Variants in ZNF565 observed in about 807,000 individuals in gnomAD.
ZNF565 encodes zinc finger protein 565.
A neutral mutation model predicts 39.4 loss-of-function variants in ZNF565; 27 were observed. That is an observed-to-expected ratio of 0.69 (90% CI 0.51 to 0.95). The LOEUF (loss-of-function observed/expected upper bound fraction) is 0.95. Among genes scored for constraint, ZNF565 ranks in the 40% least tolerant of loss-of-function variants. ZNF565 has a pLI of 0.00. For missense variants in ZNF565, 524 were observed against 621.1 expected, an observed-to-expected ratio of 0.84 and a Z score of 1.66; for synonymous variants, 185 against 216.6, an observed-to-expected ratio of 0.85 and a Z score of 1.28.
rs547454595 is a variant in ZNF565, at chr19:36,231,213, GTTC to G, written c.55+14260_55+14262del. 3.3e-3 allele frequency among the ~76,000 whole-genome samples: 509 copies of G among 152,086 alleles called. 3 individuals are homozygous for G. The highest frequency in any genetic ancestry group is 0.01 in the African/African-American group (426 of 41,506). ...CCCTGTCTCTACTAAAAATACAAAA[GTTC>G]TTCTTTTTTTTGAGACATAGTTTCA... On this transcript the variant is annotated intron_variant, in intron 1 of 4. Transcript: ENST00000355114.
chr19:36,182,541 G>C lies in ZNF565; in HGVS notation c.1425C>G (p.Tyr475Ter). Residue 475 changes from tyrosine (Y) to a stop codon, truncating the protein, a stop_gained, in exon 5 of 5, where the codon TAC (tyrosine) becomes TAG (stop). Coordinates refer to ENST00000304116, the MANE Select transcript of ZNF565 (RefSeq NM_152477.5). LOFTEE classifies it high-confidence loss of function. ...ATGCCTGCCCACACTCTCTACATTC[G>C]TAAGGTTTGATACCAGGATGAATTC... ...HQRIHPGIKPYECRECGQAFI... is the reference protein window; with the variant it reads ...HQRIHPGIKP 1 of 1,612,270 alleles carries C rather than the reference G, an allele frequency of 6.2e-7. No individual in the cohort carries two copies. The highest frequency in any genetic ancestry group is 1.3e-5 in the African/African-American group (1 of 75,012).
chr19:36,183,853 G>A, intron 4 of ZNF565, 120 bp from the exon 5 acceptor site: 3 of 825,800 alleles, frequency 3.6e-6, no homozygotes, highest in South Asian at 3.6e-5. Flanking sequence ...TTGGGAGGCT[G>A]AGGCGGGTGG....
chr19:36,232,671 C>T lies in ZNF565; in HGVS notation c.55+12805G>A, dbSNP rs547973175. Among the ~76,000 whole-genome samples, 62 of 148,164 alleles carry T rather than the reference C, an allele frequency of 4.2e-4. 1 individual carries two copies. The Middle Eastern group carries it at 0.011, about 25-fold the overall frequency. ...TCACCCAGGCTGGAGTGCAGTGGTGCGATCTGGGCTCACTACAACCTCCAC... is the reference window on the plus strand; with the variant it reads ...TCACCCAGGCTGGAGTGCAGTGGTGTGATCTGGGCTCACTACAACCTCCAC... On this transcript the variant is annotated intron_variant, in intron 1 of 4. Transcript: ENST00000355114.
At chr19:36,194,395 A>C (rs1463629764) in intron 3 of ZNF565, 67 bp from the exon 4 acceptor site, 12 of 1,327,924 alleles carry the variant, frequency 9.0e-6, no homozygotes, top group Middle Eastern at 3.7e-4. Context: ...TTCCCTGGTC[A>C]CCATGGAAAA....
intron 4 of ZNF565, among the ~76,000 whole-genome samples, chr19:36,188,275 A>G (rs1975384634): frequency 6.7e-6 from 1 of 150,284 alleles, no homozygotes; most frequent in African/African-American, 2.4e-5. Flanking sequence ...GAATCACTTG[A>G]ACCTGGGAGG....
intron 1 of ZNF565, among the ~76,000 whole-genome samples, chr19:36,220,071 T>G (rs1460794933): frequency 6.6e-6 from 1 of 152,188 alleles, no homozygotes; most frequent in Non-Finnish European, 1.5e-5. Context: ...TCATTGATCT[T>G]GGAAAGTTTT....
At chr19:36,187,794 C>T (rs1353783847) in intron 4 of ZNF565, among the ~76,000 whole-genome samples, 1 of 151,786 alleles carries the variant, frequency 6.6e-6, no homozygotes, top group Non-Finnish European at 1.5e-5. Flanking sequence ...TGTGCCACCA[C>T]GCCTGGCTGA....
chr19:36,222,660 GTATT>G (rs1387477096), intron 1 of ZNF565, among the ~76,000 whole-genome samples: 3 of 151,606 alleles, frequency 2.0e-5, no homozygotes, highest in African/African-American at 7.3e-5. Context: ...AGGCCTGTAT[GTATT>G]AATCTAGGAA....
chr19:36,185,169 C>T (rs554900141), intron 4 of ZNF565, among the ~76,000 whole-genome samples: 1 of 150,986 alleles, frequency 6.6e-6, no homozygotes, highest in South Asian at 2.1e-4. Flanking sequence ...AATCACAGCA[C>T]TTTGGGAGAC....
rs188251780 is a variant in ZNF565 at position 36,227,624 on chromosome 19, T to C, written c.55+17852A>G. Among the ~76,000 whole-genome samples, 365 of 152,220 alleles carry C rather than the reference T, an allele frequency of 2.4e-3. 1 individual carries two copies. Among genetic ancestry groups the C allele is most frequent in the Non-Finnish European group, 3.6e-3 (247 of 67,996 alleles). Reference sequence around the variant, plus strand: ...TTTCTTTTTTATGACAAGGTCTCACTCTGTCAGGCCATCTTGAACTCCTGG... The same window carrying C: ...TTTCTTTTTTATGACAAGGTCTCACCCTGTCAGGCCATCTTGAACTCCTGG... On this transcript the variant is annotated intron_variant, in intron 1 of 4. Transcript: ENST00000355114.
Position 36,183,657 on chromosome 19 carries a change from T to C in ZNF565, c.309A>G (p.Glu103=). ...EIGAFNWEIM[E]SLKCSDLEGS... ...CCTCCAGGTCACTGCATTTAAGGCT[T>C]TCCATTATCTCCCAGTTGAATGCCC... The change falls in exon 5 of 5, where the codon GAA becomes GAG. Residue 103 remains glutamate, a synonymous_variant. Transcript: ENST00000304116. The C allele has an allele frequency of 6.2e-7, 1 of 1,614,130 alleles. No individual in the cohort carries two copies. Among genetic ancestry groups the C allele is most frequent in the South Asian group, 1.1e-5 (1 of 91,080 alleles).
intron 1 of ZNF565, among the ~76,000 whole-genome samples, chr19:36,213,543 G>A (rs894785322): frequency 6.6e-6 from 1 of 152,098 alleles, no homozygotes; most frequent in East Asian, 1.9e-4. Flanking sequence ...CTGCCACCAC[G>A]CCCAGCTAAT....
chr19:36,205,856 G>C (rs1360075113), intron 1 of ZNF565, among the ~76,000 whole-genome samples: 1 of 152,102 alleles, frequency 6.6e-6, no homozygotes. Context: ...AAGGAAGTCA[G>C]AATTCTTTCA....
At chr19:36,199,010 A>C (rs905890710) in intron 2 of ZNF565, among the ~76,000 whole-genome samples, 3 of 152,234 alleles carry the variant, frequency 2.0e-5, no homozygotes, top group African/African-American at 7.2e-5. Context: ...TTCACACTGC[A>C]TGCCTGTATC....
chr19:36,240,905 T>G (rs1286189343), intron 1 of ZNF565, among the ~76,000 whole-genome samples: 1 of 152,074 alleles, frequency 6.6e-6, no homozygotes, highest in African/African-American at 2.4e-5. Context: ...AAGTCTCCAC[T>G]TTCATGAGTA....
chr19:36,199,142 C>T, intron 2 of ZNF565, among the ~76,000 whole-genome samples: 1 of 152,186 alleles, frequency 6.6e-6, no homozygotes, highest in East Asian at 1.9e-4. Context: ...TGCTAATATT[C>T]ACATTCCTTC....
chr19:36,187,366 TC>T (rs1381888010), intron 4 of ZNF565, among the ~76,000 whole-genome samples: 21 of 150,258 alleles, frequency 1.4e-4, no homozygotes, highest in Non-Finnish European at 2.7e-4. Context: ...AGACAGAGTC[TC>T]TTTTTTTTTT....
chr19:36,241,736 G>C (rs917849844), intron 1 of ZNF565, among the ~76,000 whole-genome samples: 2 of 146,134 alleles, frequency 1.4e-5, no homozygotes, highest in African/African-American at 2.6e-5. Context: ...AGGTTGCAGT[G>C]AGCTGAGATT....
intron 1 of ZNF565, among the ~76,000 whole-genome samples, chr19:36,214,342 G>C (rs1015602292): frequency 3.3e-5 from 5 of 152,056 alleles, no homozygotes; most frequent in African/African-American, 1.2e-4. Flanking sequence ...CCCAGGAACA[G>C]GGCGAACAGG....
Sources: gnomAD v4.1 joint callset for allele counts (sites outside exome capture counted in the v4.1 genomes callset) on GRCh38, gnomAD v4.1.1 for gene constraint, MANE v1.5 for transcripts, NCBI Gene and HGNC (gene_info 2026-07-23, HGNC 2026-07-21) for gene names.